The following HMGXB3 variants were observed in gnomAD, a reference collection of about 807,000 sequenced individuals.
HMGXB3 encodes HMG domain-containing protein 3.
Under a neutral mutation model 121.5 loss-of-function variants are expected in HMGXB3, and 45 were observed. The observed-to-expected ratio is 0.37, with a 90% CI of 0.29 to 0.47. The LOEUF (loss-of-function observed/expected upper bound fraction) is 0.47, where lower values mean the gene tolerates loss of function less well. HMGXB3 is among the 20% of genes least tolerant of loss of function. HMGXB3 has a pLI of 0.99. For synonymous variants in HMGXB3, 590 were observed against 624.1 expected (o/e 0.95, Z 0.81); for missense variants, 1,376 against 1,602.2 (o/e 0.86, Z 2.41).
Position 150,026,826 on chromosome 5 carries a change from G to T in HMGXB3, c.1581G>T (p.Val527=). The part of the protein sequence containing the change: ...MRAILPAPVN[V]GRGSSMGLPR... ...CAATTTTGCCAGCCCCAGTTAACGT[G>T]GGGCGAGGCAGCAGCATGGGACTGC... The change falls in exon 8 of 20, where the codon GTG becomes GTT. Residue 527 remains valine, a synonymous_variant. Coordinates refer to ENST00000502717, the MANE Select transcript of HMGXB3 (RefSeq NM_014983.3). 1 of 1,543,520 alleles carries T rather than the reference G, an allele frequency of 6.5e-7. No individual in the cohort carries two copies. The highest frequency in any genetic ancestry group is 8.7e-7 in the Non-Finnish European group (1 of 1,143,524).
At chr5:150,015,409 C>T (rs979582459) in intron 5 of HMGXB3, among the ~76,000 whole-genome samples, 1 of 152,182 alleles carries the variant, frequency 6.6e-6, no homozygotes, top group African/African-American at 2.4e-5. Context: ...CCCAGTCTCT[C>T]AGGTAGCTGG....
At chr5:150,028,144 A>G (rs746274157) in intron 9 of HMGXB3, among the ~76,000 whole-genome samples, 5 of 152,252 alleles carry the variant, frequency 3.3e-5, no homozygotes, top group Admixed American at 1.3e-4. Flanking sequence ...AGGCAGGACA[A>G]CTGGAAGCAA....
chr5:150,012,926 T>G (rs867767362), intron 5 of HMGXB3, among the ~76,000 whole-genome samples: 43 of 152,362 alleles, frequency 2.8e-4, no homozygotes, highest in Non-Finnish European at 1.2e-4. Context: ...TACAATTGAT[T>G]GCTTTGTATA....
intron 1 of HMGXB3, among the ~76,000 whole-genome samples, chr5:150,003,633 C>T (rs1318750809): frequency 1.0e-5 from 1 of 98,124 alleles, no homozygotes; most frequent in Admixed American, 8.9e-5. Context: ...TGAACTCTTC[C>T]ATTTTTTTTT....
In HMGXB3 at chr5:150,052,509, GGGTCA is replaced by G; in HGVS notation, c.*320_*324del. On this transcript the variant is annotated 3_prime_UTR_variant, in exon 20 of 20. Transcript: ENST00000502717. ...GTGGGTTCCGTGGGGCCTGCGGTGTGGGTCAGGGTGGAGGTCCTGGGTGGGCTAAG... is the reference window on the plus strand; with the variant it reads ...GTGGGTTCCGTGGGGCCTGCGGTGTGGGGTGGAGGTCCTGGGTGGGCTAAG... 3 of 318,580 alleles carry G rather than the reference GGGTCA, an allele frequency of 9.4e-6. No individual in the cohort carries two copies. Among genetic ancestry groups the G allele is most frequent in the Non-Finnish European group, 1.2e-5 (2 of 169,382 alleles). 19.7% of individuals were successfully genotyped at this position (318,580 alleles called of 1,614,324 possible). A position where few individuals can be genotyped will look rare whatever the true frequency, so the allele number is the denominator to read the frequency against.
chr5:150,050,897 A>C (rs1756873226), intron 19 of HMGXB3, among the ~76,000 whole-genome samples: 1 of 152,224 alleles, frequency 6.6e-6, no homozygotes, highest in Admixed American at 6.5e-5. Flanking sequence ...AGAAGCCTAG[A>C]AAGTTGCCAC....
Position 150,010,557 on chromosome 5 carries a change from T to C in HMGXB3, c.759T>C (p.Ala253=). The part of the protein sequence containing the change: ...GSPDLPTGSL[A]VPHPQVGESV... ...CAGACCTCCCCACTGGAAGCCTGGC[T>C]GTGCCCCACCCCCAGGTTGGGGAGA... is the stretch of plus-strand genomic sequence containing the variant. The change falls in exon 4 of 20, where the codon GCT becomes GCC. Residue 253 remains alanine (A), a synonymous_variant. Coordinates refer to ENST00000502717, the MANE Select transcript of HMGXB3 (RefSeq NM_014983.3). The C allele has an allele frequency of 6.4e-7, 1 of 1,551,452 alleles. No homozygotes were observed. The highest frequency in any genetic ancestry group is 8.7e-7 in the Non-Finnish European group (1 of 1,146,976).
chr5:150,046,891 C>CA, intron 16 of HMGXB3, among the ~76,000 whole-genome samples: 1 of 143,342 alleles, frequency 7.0e-6, no homozygotes, highest in East Asian at 2.1e-4. Context: ...GCCCAGGCAT[C>CA]TTTTTTTTTT....
In HMGXB3 at chr5:150,027,126, C is replaced by T. The variant is rs2113744350; in HGVS notation, c.1734+9C>T. On this transcript the variant is annotated intron_variant, in intron 9 of 19. Transcript: ENST00000502717. Reference sequence around the variant, plus strand: ...GCCCTGGTGAGGTGAAGGTAAGGCCCATTTTCCAGAGTGGGAGCTGTTTGA... The same window carrying T: ...GCCCTGGTGAGGTGAAGGTAAGGCCTATTTTCCAGAGTGGGAGCTGTTTGA... The T allele has an allele frequency of 6.5e-7, 1 of 1,549,424 alleles. No individual in the cohort carries two copies. Among genetic ancestry groups the T allele is most frequent in the Non-Finnish European group, 8.7e-7 (1 of 1,145,920 alleles).
At chr5:150,041,740 GT>G in intron 14 of HMGXB3, 44 bp from the exon 15 acceptor site, 1 of 1,470,354 alleles carries the variant, frequency 6.8e-7, no homozygotes, top group Non-Finnish European at 9.3e-7. Context: ...AGTGGCTTCA[GT>G]GTCTTTTTCT....
At chr5:150,037,627 A>C (rs1756530983) in intron 13 of HMGXB3, 100 bp downstream of exon 13, 1 of 1,055,724 alleles carries the variant, frequency 9.5e-7, no homozygotes, top group African/African-American at 1.7e-5. Flanking sequence ...GGGCCTTCTC[A>C]GATGGGGCTT....
At chr5:150,033,501 A>G (rs1561874786) in intron 11 of HMGXB3, among the ~76,000 whole-genome samples, 1 of 152,178 alleles carries the variant, frequency 6.6e-6, no homozygotes, top group Non-Finnish European at 1.5e-5. Context: ...GTGAGTGATA[A>G]GGATAAGTGT....
chr5:150,012,228 A>G, intron 4 of HMGXB3, 27 bp from the exon 5 acceptor site: 1 of 1,501,360 alleles, frequency 6.7e-7, no homozygotes, highest in Non-Finnish European at 9.1e-7. Context: ...GTTTCAGTGA[A>G]ACTGTCCTTC....
intron 10 of HMGXB3, among the ~76,000 whole-genome samples, chr5:150,031,956 C>G (rs1290990533): frequency 6.6e-6 from 1 of 151,940 alleles, no homozygotes; most frequent in Non-Finnish European, 1.5e-5. Flanking sequence ...CCTTTGGCTA[C>G]AGGAGGCAAC....
rs186154097 is a variant in HMGXB3 at position 150,053,082 on chromosome 5, T to C, written c.*890T>C. 1.1e-5 allele frequency: 2 copies of C among 179,284 alleles called. No individual in the cohort carries two copies. Among genetic ancestry groups the C allele is most frequent in the Non-Finnish European group, 2.4e-5 (2 of 83,724 alleles). The allele number at this position is 179,284 out of a possible 1,614,324, so 11.1% of individuals were successfully genotyped here. A position where few individuals can be genotyped will look rare whatever the true frequency, so the allele number is the denominator to read the frequency against. On this transcript the variant is annotated 3_prime_UTR_variant, in exon 20 of 20. Coordinates refer to ENST00000502717, the MANE Select transcript of HMGXB3 (RefSeq NM_014983.3). Reference sequence around the variant, plus strand: ...AATTTATTGAGTGGAGTAGGTGGCTTTTTTTCCCTCCCTCTTCCCCCAACA... The same window carrying C: ...AATTTATTGAGTGGAGTAGGTGGCTCTTTTTCCCTCCCTCTTCCCCCAACA...
chr5:150,024,433 C>G lies in HMGXB3; in HGVS notation c.1213C>G (p.Pro405Ala). Residue 405 changes from proline (P) to alanine (A), a missense_variant, in exon 7 of 20, where the codon CCT becomes GCT. Around this residue, in one of 2 missense-constraint regions of HMGXB3, gnomAD observed 1,116 missense variants for 1,369.0 expected, o/e 0.82. Transcript: ENST00000502717. Reference protein sequence around the residue: ...EAVSQLLNVAPPREVGEESEW... With the variant: ...EAVSQLLNVAAPREVGEESEW... ...TGTAAGCCAGCTCCTGAACGTAGCTCCTCCCAGAGAAGTAGGTGAGGAGAG... is the reference window on the plus strand; with the variant it reads ...TGTAAGCCAGCTCCTGAACGTAGCTGCTCCCAGAGAAGTAGGTGAGGAGAG... 6.4e-7 allele frequency: 1 copy of G among 1,551,716 alleles called. No homozygotes were observed. The highest frequency in any genetic ancestry group is 8.7e-7 in the Non-Finnish European group (1 of 1,147,006).
chr5:150,027,226 CTCTGGGTGGAGGTTAACATGAA>C lies in HMGXB3; in HGVS notation c.1734+111_1734+132del, dbSNP rs1274099200. Reference sequence around the variant, plus strand: ...TCCCATTTCTTACACGTTGGCAGACCTCTGGGTGGAGGTTAACATGAATGATTTATCTGTTTTTTAAGTAATT... The same window carrying C: ...TCCCATTTCTTACACGTTGGCAGACCTGATTTATCTGTTTTTTAAGTAATT... On this transcript the variant is annotated intron_variant, in intron 9 of 19. Coordinates refer to ENST00000502717, the MANE Select transcript of HMGXB3 (RefSeq NM_014983.3). 3 of 722,156 alleles carry C rather than the reference CTCTGGGTGGAGGTTAACATGAA, an allele frequency of 4.2e-6. No homozygotes were observed. In the African/African-American group the frequency reaches 5.5e-5, roughly 13 times the overall value. 44.7% of individuals were successfully genotyped at this position (722,156 alleles called of 1,614,324 possible).
intron 5 of HMGXB3, among the ~76,000 whole-genome samples, chr5:150,014,618 A>G (rs1322123161): frequency 6.6e-6 from 1 of 152,168 alleles, no homozygotes; most frequent in Non-Finnish European, 1.5e-5. Flanking sequence ...ACACACCCAC[A>G]TGCTGAAACA....
intron 4 of HMGXB3, 100 bp from the exon 5 acceptor site, chr5:150,012,155 G>C (rs1755854658): frequency 2.6e-6 from 2 of 774,086 alleles, no homozygotes; most frequent in African/African-American, 1.7e-5. Flanking sequence ...TGAGTACACT[G>C]TCTGTTATTA....
Sources: allele counts gnomAD v4.1 joint callset (sites outside exome capture counted in the v4.1 genomes callset), GRCh38; gene constraint gnomAD v4.1.1; regional missense constraint gnomAD v4.1.1; transcripts MANE v1.5; gene names NCBI Gene and HGNC (gene_info 2026-07-23, HGNC 2026-07-21).